ADGRG4: variants seen among roughly 807,000 people sequenced by gnomAD.
The protein encoded by ADGRG4 is G protein-coupled receptor 112.
A neutral mutation model predicts 126.2 loss-of-function variants in ADGRG4; 122 were observed. The ratio of observed to expected loss-of-function variants is 0.97; its 90% CI spans 0.83 to 1.12. The LOEUF is 1.12. Among genes scored for constraint, ADGRG4 ranks in the 50% most tolerant of loss-of-function variants. The probability of loss-of-function intolerance (pLI) is 0.00; values close to 1 mark genes in which losing one functional copy is unlikely to be tolerated. For synonymous variants in ADGRG4, 943 were observed against 838.7 expected, an observed-to-expected ratio of 1.12 and a Z score of -2.15; for missense variants, 2,481 against 2,251.8, an observed-to-expected ratio of 1.10 and a Z score of -2.06.
Position 136,359,298 on chromosome X carries a change from T to C in ADGRG4, c.6987T>C (p.Val2329=), listed in dbSNP as rs1268507608. The change falls in exon 11 of 26, where the codon GTT becomes GTC. Residue 2329 remains valine, a synonymous_variant. Coordinates refer to ENST00000394143, the MANE Select transcript of ADGRG4 (RefSeq NM_153834.4). The part of the protein sequence containing the change: ...ATISYVPYSC[V]CQVIIKASSS... ...TTTTTATTCTGCTTTGTAGTTGTGT[T>C]TGTCAGGTCATCATAAAAGCCAGCT... The C allele has an allele frequency of 8.3e-7, 1 of 1,203,546 alleles. No homozygotes were observed. The highest frequency in any genetic ancestry group is 1.8e-5 in the South Asian group (1 of 55,000).
chrX:136,320,431 C>T (rs746738178), intron 4 of ADGRG4, among the ~76,000 whole-genome samples: 1 of 111,998 alleles, frequency 8.9e-6, no homozygotes, highest in East Asian at 2.8e-4. Context: ...ACTCATTTCC[C>T]CACAGGCTTG....
chrX:136,361,571 A>G lies in ADGRG4; in HGVS notation c.7261A>G (p.Asn2421Asp). 1 of 1,181,834 alleles carries G rather than the reference A, an allele frequency of 8.5e-7. No individual in the cohort carries two copies. The highest frequency in any genetic ancestry group is 1.1e-6 in the Non-Finnish European group (1 of 878,291). Residue 2421 changes from asparagine (N) to aspartate (D), a missense_variant, in exon 12 of 26, where the codon AAT becomes GAT. Asn to Asp is a conservative substitution (Grantham distance 23). Coordinates refer to ENST00000394143, the MANE Select transcript of ADGRG4 (RefSeq NM_153834.4). ...QTRCIKNEDGNATRFCSISIN... is the reference protein window; with the variant it reads ...QTRCIKNEDGDATRFCSISIN... ...CAGATGCATAAAAAATGAGGATGGA[A>G]ATGCCACAAGATTCTGGTATGTACA...
At position 136,347,118 on chromosome X, in the gene ADGRG4, C is replaced by T. The variant is rs970275265; in HGVS notation, c.3412C>T (p.Pro1138Ser). 3 of 1,208,412 alleles carry T rather than the reference C, an allele frequency of 2.5e-6. No homozygotes were observed. The East Asian group carries it at 8.9e-5, about 36-fold the overall frequency. Residue 1138 changes from proline (P) to serine (S), a missense_variant, in exon 6 of 26, where the codon CCA becomes TCA. Physicochemically the swap from Pro to Ser is moderately conservative, Grantham distance 74. Coordinates refer to ENST00000394143, the MANE Select transcript of ADGRG4 (RefSeq NM_153834.4). ...LFSTSVDTVTPSTHTLVCSKP... is the reference protein window; with the variant it reads ...LFSTSVDTVTSSTHTLVCSKP... ...CTCTACCTCAGTTGATACAGTAACC[C>T]CATCTACACACACTCTTGTCTGCTC...
intron 5 of ADGRG4, among the ~76,000 whole-genome samples, chrX:136,335,710 T>C (rs915547296): frequency 1.8e-5 from 2 of 112,031 alleles, no homozygotes; most frequent in Admixed American, 9.5e-5. Flanking sequence ...AGTAGTGATA[T>C]TCTCTGTTTC....
intron 20 of ADGRG4, 107 bp from the exon 21 acceptor site, chrX:136,399,741 G>A: frequency 1.5e-6 from 1 of 684,014 alleles, no homozygotes; most frequent in Non-Finnish European, 2.1e-6. Flanking sequence ...AAGCAAAGAT[G>A]AGTAATTCTT....
chrX:136,314,765 C>T (rs2074794518), intron 4 of ADGRG4, among the ~76,000 whole-genome samples: 1 of 112,172 alleles, frequency 8.9e-6, no homozygotes, highest in Admixed American at 9.5e-5. Flanking sequence ...CTGATGAGCT[C>T]AGGGACCTTG....
chrX:136,305,696 C>A lies in ADGRG4; in HGVS notation c.-10+673C>A, dbSNP rs188825959. 3.2e-4 allele frequency among the ~76,000 whole-genome samples: 36 copies of A among 112,147 alleles called. No homozygotes were observed. The East Asian group carries it at 5.6e-3, about 17-fold the overall frequency. Reference sequence around the variant, plus strand: ...ATGCCTCTTTGGCCTTTGCTTTCTGCTCATAGTTCTGAACACTACACCTCC... The same window carrying A: ...ATGCCTCTTTGGCCTTTGCTTTCTGATCATAGTTCTGAACACTACACCTCC... On this transcript the variant is annotated intron_variant, in intron 3 of 25. Coordinates refer to ENST00000394143, the MANE Select transcript of ADGRG4 (RefSeq NM_153834.4).
chrX:136,335,164 G>A (rs2074941274), intron 5 of ADGRG4, among the ~76,000 whole-genome samples: 2 of 110,906 alleles, frequency 1.8e-5, no homozygotes, highest in Non-Finnish European at 3.8e-5. Context: ...TTATCTTGTT[G>A]ATATTGTGGG....
chrX:136,399,001 T>C (rs1922473611), intron 20 of ADGRG4, among the ~76,000 whole-genome samples: 1 of 112,309 alleles, frequency 8.9e-6, no homozygotes, highest in Non-Finnish European at 1.9e-5. Context: ...CTCATAGACA[T>C]AGAATTGAGC....
At chrX:136,316,714 C>T (rs1006832957) in intron 4 of ADGRG4, among the ~76,000 whole-genome samples, 3 of 111,938 alleles carry the variant, frequency 2.7e-5, no homozygotes, top group Non-Finnish European at 5.6e-5. Flanking sequence ...GTGATCCGCC[C>T]GTCTCAGCCT....
intron 13 of ADGRG4, among the ~76,000 whole-genome samples, chrX:136,367,499 A>G (rs2075166506): frequency 8.9e-6 from 1 of 112,495 alleles, no homozygotes; most frequent in Non-Finnish European, 1.9e-5. Context: ...GTTAATAAAC[A>G]GTCATAACAA....
chrX:136,370,768 G>A (rs184849989), intron 13 of ADGRG4, among the ~76,000 whole-genome samples: 1 of 111,835 alleles, frequency 8.9e-6, no homozygotes, highest in Non-Finnish European at 1.9e-5. Context: ...TTCTACTTTT[G>A]TGTATGCTTG....
intron 4 of ADGRG4, among the ~76,000 whole-genome samples, chrX:136,315,555 G>A (rs1371308803): frequency 1.8e-5 from 2 of 110,828 alleles, no homozygotes; most frequent in East Asian, 5.7e-4. Context: ...CCTCAAATCT[G>A]CTCTGCAGCC....
chrX:136,341,436 A>G (rs2074978558), intron 5 of ADGRG4, among the ~76,000 whole-genome samples: 1 of 112,276 alleles, frequency 8.9e-6, no homozygotes, highest in Admixed American at 9.4e-5. Context: ...ACACTCCTCA[A>G]ATGTGCTAGA....
chrX:136,305,907 A>T (rs2074730388), intron 3 of ADGRG4: 1 of 111,969 alleles, frequency 8.9e-6, no homozygotes, highest in African/African-American at 3.2e-5. Context: ...AACTTTGCCC[A>T]TGCTGATTTT....
At chrX:136,371,637 C>A in intron 14 of ADGRG4, 93 bp downstream of exon 14, 1 of 484,281 alleles carries the variant, frequency 2.1e-6, no homozygotes, top group Non-Finnish European at 3.3e-6. Flanking sequence ...TTTGTCAATT[C>A]AAACAACCAT....
intron 24 of ADGRG4, among the ~76,000 whole-genome samples, chrX:136,413,719 TG>T (rs2075459739): frequency 1.0e-5 from 1 of 99,277 alleles, no homozygotes; most frequent in African/African-American, 3.8e-5. Flanking sequence ...CATCAAGCTT[TG>T]TTTTTTTGTT....
intron 22 of ADGRG4, among the ~76,000 whole-genome samples, chrX:136,404,347 C>T (rs2075394238): frequency 9.0e-6 from 1 of 111,197 alleles, no homozygotes; most frequent in Admixed American, 9.6e-5. Flanking sequence ...AGAGCAAAAG[C>T]AAAATCAGAA....
At chrX:136,355,222 TACACACAC>T (rs10553631) in intron 8 of ADGRG4, among the ~76,000 whole-genome samples, 5 of 100,189 alleles carry the variant, frequency 5.0e-5, no homozygotes, top group African/African-American at 1.1e-4. Flanking sequence ...AACATATGTG[TACACACAC>T]ACACACACAC....
Sources: gnomAD v4.1 joint callset for allele counts (sites outside exome capture counted in the v4.1 genomes callset) on GRCh38, gnomAD v4.1.1 for gene constraint, MANE v1.5 for transcripts, NCBI Gene and HGNC (gene_info 2026-07-23, HGNC 2026-07-21) for gene names.